Variants in GRID2 observed in about 807,000 individuals in gnomAD.
GRID2 encodes the protein glutamate ionotropic receptor delta type subunit 2.
A neutral mutation model predicts 114.8 loss-of-function variants in GRID2; 33 were observed. The ratio of observed to expected loss-of-function variants is 0.29; its 90% CI spans 0.22 to 0.38. The LOEUF is 0.38. GRID2 is among the 10% of genes least tolerant of loss of function. The probability of loss-of-function intolerance (pLI) is 1.00; values close to 1 mark genes in which losing one functional copy is unlikely to be tolerated. For synonymous variants in GRID2, 505 were observed against 449.9 expected (o/e 1.12, Z -1.55); for missense variants, 1,184 against 1,257.7 (o/e 0.94, Z 0.89).
intron 1 of GRID2, among the ~76,000 whole-genome samples, chr4:92,456,178 C>A (rs572662080): frequency 5.9e-4 from 90 of 151,822 alleles, no homozygotes; most frequent in African/African-American, 2.1e-3. Flanking sequence ...AAAAATCCCT[C>A]TAGCATTTTT....
At chr4:92,787,719 T>C (rs1739384765) in intron 2 of GRID2, among the ~76,000 whole-genome samples, 1 of 151,980 alleles carries the variant, frequency 6.6e-6, no homozygotes, top group South Asian at 2.1e-4. Context: ...AGAGTCCTTC[T>C]GGCTATTTCA....
At chr4:92,334,208 A>T (rs918992683) in intron 1 of GRID2, among the ~76,000 whole-genome samples, 2 of 152,192 alleles carry the variant, frequency 1.3e-5, no homozygotes, top group African/African-American at 4.8e-5. Flanking sequence ...TTTGCCATCC[A>T]TATTTCCACC....
chr4:93,254,155 G>A (rs1158123036), intron 8 of GRID2, among the ~76,000 whole-genome samples: 2 of 151,738 alleles, frequency 1.3e-5, no homozygotes, highest in African/African-American at 2.4e-5. Context: ...AGTAATTCAG[G>A]TGCAAAAAAT....
At chr4:92,532,880 C>T (rs527242211) in intron 1 of GRID2, among the ~76,000 whole-genome samples, 1 of 152,052 alleles carries the variant, frequency 6.6e-6, no homozygotes, top group Non-Finnish European at 1.5e-5. Context: ...CAAGACCAGT[C>T]CTGGCAACAT....
intron 14 of GRID2, among the ~76,000 whole-genome samples, chr4:93,724,756 A>C (rs1029258348): frequency 6.6e-6 from 1 of 151,908 alleles, no homozygotes; most frequent in Non-Finnish European, 1.5e-5. Context: ...AGAGGTCCTC[A>C]CTGCACCATG....
intron 2 of GRID2, among the ~76,000 whole-genome samples, chr4:92,731,771 C>T (rs1039724007): frequency 2.0e-5 from 3 of 151,806 alleles, no homozygotes; most frequent in South Asian, 4.1e-4. Context: ...ACCTAGGAGA[C>T]AATAGATGAG....
At chr4:92,719,506 C>T (rs543977258) in intron 2 of GRID2, among the ~76,000 whole-genome samples, 1 of 152,148 alleles carries the variant, frequency 6.6e-6, no homozygotes, top group Non-Finnish European at 1.5e-5. Context: ...TAGACCAAAA[C>T]ATTAAAAAAC....
chr4:92,703,742 A>G (rs1486331183), intron 2 of GRID2, among the ~76,000 whole-genome samples: 1 of 151,908 alleles, frequency 6.6e-6, no homozygotes, highest in African/African-American at 2.4e-5. Flanking sequence ...TTGGTATTAA[A>G]TAACAATAAT....
intron 10 of GRID2, among the ~76,000 whole-genome samples, chr4:93,444,762 T>C (rs1721937319): frequency 6.6e-6 from 1 of 151,992 alleles, no homozygotes; most frequent in African/African-American, 2.4e-5. Flanking sequence ...AAAGATTGGG[T>C]AGGGATAAAC....
At chr4:92,852,733 G>A (rs994301068) in intron 2 of GRID2, among the ~76,000 whole-genome samples, 2 of 151,650 alleles carry the variant, frequency 1.3e-5, no homozygotes, top group African/African-American at 2.4e-5. Flanking sequence ...TCCTCGTGGC[G>A]CACTCTTTGC....
chr4:92,771,168 T>C (rs1219813915), intron 2 of GRID2, among the ~76,000 whole-genome samples: 1 of 152,172 alleles, frequency 6.6e-6, no homozygotes, highest in East Asian at 1.9e-4. Flanking sequence ...TCTTTATTAA[T>C]CTCAGACAAC....
At chr4:92,915,042 A>T (rs974178614) in intron 2 of GRID2, among the ~76,000 whole-genome samples, 1 of 152,190 alleles carries the variant, frequency 6.6e-6, no homozygotes, top group Non-Finnish European at 1.5e-5. Context: ...CATGAAACTT[A>T]CAATCATGGC....
At chr4:93,228,078 T>G (rs954160730) in intron 7 of GRID2, among the ~76,000 whole-genome samples, 4 of 152,336 alleles carry the variant, frequency 2.6e-5, no homozygotes, top group Non-Finnish European at 5.9e-5. Flanking sequence ...CCAAAGTCAC[T>G]TCCACATATT....
At chr4:92,753,614 A>G (rs1737562155) in intron 2 of GRID2, among the ~76,000 whole-genome samples, 1 of 152,188 alleles carries the variant, frequency 6.6e-6, no homozygotes, top group South Asian at 2.1e-4. Context: ...AGTCAGAACA[A>G]GTGTGCAGTT....
intron 9 of GRID2, among the ~76,000 whole-genome samples, chr4:93,407,190 A>G (rs187430881): frequency 2.9e-4 from 44 of 152,280 alleles, no homozygotes; most frequent in Non-Finnish European, 4.4e-5. Context: ...TCAAATCACT[A>G]TCCACTGCAT....
chr4:92,773,279 A>AT (rs1245091376), intron 2 of GRID2, among the ~76,000 whole-genome samples: 1 of 152,192 alleles, frequency 6.6e-6, no homozygotes, highest in Admixed American at 6.5e-5. Flanking sequence ...AATGGAAGAA[A>AT]TGTGTTTTGA....
chr4:93,134,108 A>G (rs968797971), intron 4 of GRID2, among the ~76,000 whole-genome samples: 1 of 152,088 alleles, frequency 6.6e-6, no homozygotes, highest in Non-Finnish European at 1.5e-5. Context: ...TATGTCATTG[A>G]AAGGCCACAT....
chr4:92,636,941 C>A (rs567018004), intron 2 of GRID2, among the ~76,000 whole-genome samples: 9 of 151,892 alleles, frequency 5.9e-5, no homozygotes, highest in Non-Finnish European at 1.3e-4. Context: ...TTCAAACTTC[C>A]ATGATTTCTC....
At chr4:93,792,479 A>C (rs898609602) in intron 1 of GRID2, among the ~76,000 whole-genome samples, 9 of 152,142 alleles carry the variant, frequency 5.9e-5, no homozygotes, top group African/African-American at 2.2e-4. Context: ...CCAATGCAAA[A>C]TTATGAATTG....
Sources: allele counts gnomAD v4.1 joint callset (sites outside exome capture counted in the v4.1 genomes callset), GRCh38; gene constraint gnomAD v4.1.1; transcripts MANE v1.5; gene names NCBI Gene and HGNC (gene_info 2026-07-23, HGNC 2026-07-21).